ADAM32: variants seen among roughly 807,000 people sequenced by gnomAD.
The protein encoded by ADAM32 is disintegrin and metalloproteinase domain-containing protein 32.
In ADAM32, 89 loss-of-function variants were observed where a neutral mutation model predicts 114.9. The observed-to-expected ratio is 0.77, with a 90% CI of 0.65 to 0.92. ADAM32 has a LOEUF of 0.92. ADAM32 is among the 40% of genes least tolerant of loss of function. The pLI is 0.00. For synonymous variants in ADAM32, 285 were observed against 307.5 expected (o/e 0.93, Z 0.77); for missense variants, 870 against 932.8 (o/e 0.93, Z 0.88).
chr8:39,207,322 G>T (rs780586015), intron 11 of ADAM32, among the ~76,000 whole-genome samples: 1 of 151,990 alleles, frequency 6.6e-6, no homozygotes, highest in South Asian at 2.1e-4. Flanking sequence ...CCATTTTGAA[G>T]CCCCCTCCTA....
chr8:39,236,616 A>G (rs1219199307), intron 16 of ADAM32, among the ~76,000 whole-genome samples: 1 of 152,170 alleles, frequency 6.6e-6, no homozygotes. Context: ...TGCATAACCT[A>G]CATCAGCGTG....
In ADAM32 at chr8:39,108,601, A is replaced by G. The variant is rs138128741; in HGVS notation, c.58+768A>G. 1.2e-3 allele frequency among the ~76,000 whole-genome samples: 180 copies of G among 152,340 alleles called. 3 individuals are homozygous for G. In the East Asian group the frequency reaches 0.026, roughly 22 times the overall value. ...ACTGTGGAGAGGGAGGAAGTAAGAC[A>G]TGCCATGTACTGACTCTGGCTGACA... is the stretch of plus-strand genomic sequence containing the variant. On this transcript the variant is annotated intron_variant, in intron 1 of 24. Coordinates refer to ENST00000379907, the MANE Select transcript of ADAM32 (RefSeq NM_145004.7).
chr8:39,165,143 A>G lies in ADAM32; in HGVS notation c.780A>G (p.Glu260=), dbSNP rs776949221. The change falls in exon 9 of 25, where the codon GAA becomes GAG. Residue 260 remains glutamate (E), a synonymous_variant. Transcript: ENST00000379907. ...EADELLQKFL[E]WKQSYLNLRP... is the part of the protein sequence containing the mutation. ...ATGAATTATTGCAAAAATTTTTAGA[A>G]TGGAAACAATCTTATCTTAACCTAA... The G allele has an allele frequency of 1.2e-6, 2 of 1,601,858 alleles. No individual in the cohort carries two copies. The highest frequency in any genetic ancestry group is 1.7e-5 in the Admixed American group (1 of 59,272).
At chr8:39,262,287 C>G (rs1404988915) in intron 19 of ADAM32, among the ~76,000 whole-genome samples, 1 of 151,814 alleles carries the variant, frequency 6.6e-6, no homozygotes, top group Non-Finnish European at 1.5e-5. Flanking sequence ...TTCCCCAGGG[C>G]TATTTAATGA....
chr8:39,237,276 G>C (rs1450434969), intron 16 of ADAM32, among the ~76,000 whole-genome samples: 1 of 152,216 alleles, frequency 6.6e-6, no homozygotes, highest in East Asian at 1.9e-4. Flanking sequence ...AGGACAGCCA[G>C]TGGAATTGGG....
In ADAM32 at chr8:39,283,341, G is replaced by A. The variant is rs562049297; in HGVS notation, c.2319-245G>A. On this transcript the variant is annotated intron_variant, in intron 23 of 24. Coordinates refer to ENST00000379907, the MANE Select transcript of ADAM32 (RefSeq NM_145004.7). ...AGGAGGACATTTGAGCCCCCAGGAG[G>A]TTGAGGCTGTGGTGGGCCACAGTCA... Among the ~76,000 whole-genome samples the A allele has an allele frequency of 2.0e-5, 3 of 150,058 alleles. No individual in the cohort carries two copies. In the East Asian group the frequency reaches 5.9e-4, roughly 29 times the overall value.
intron 20 of ADAM32, among the ~76,000 whole-genome samples, chr8:39,272,076 G>A (rs1812766446): frequency 8.0e-6 from 1 of 124,312 alleles, no homozygotes; most frequent in Non-Finnish European, 1.6e-5. Flanking sequence ...AGACTGCAGT[G>A]AGCCATGATC....
At position 39,163,526 on chromosome 8, in the gene ADAM32, G is replaced by T. The variant is rs138335611; in HGVS notation, c.595-1238G>T. 6.7e-3 allele frequency among the ~76,000 whole-genome samples: 1,021 copies of T among 152,180 alleles called. 8 individuals are homozygous for T. Among genetic ancestry groups the T allele is most frequent in the Non-Finnish European group, 0.01 (695 of 67,992 alleles). ...CAGGGTGAAAACTTAGAAATTAGTG[G>T]CATCAAGAATAAAAATAAAGGAACA... On this transcript the variant is annotated intron_variant, in intron 7 of 24. Transcript: ENST00000379907.
rs1005023187 is a variant in ADAM32 at position 39,199,601 on chromosome 8, G to A, written c.1053-11543G>A. ...AAATTTCTCATTGAAATTATGAATT[G>A]TTTTCCTGATTTCTTTTTTTTTAAC... On this transcript the variant is annotated intron_variant, in intron 11 of 24. Coordinates refer to ENST00000379907, the MANE Select transcript of ADAM32 (RefSeq NM_145004.7). Among the ~76,000 whole-genome samples the A allele has an allele frequency of 6.0e-5, 9 of 150,944 alleles. 1 individual carries two copies. The East Asian group carries it at 1.8e-3, about 29-fold the overall frequency.
intron 19 of ADAM32, among the ~76,000 whole-genome samples, chr8:39,264,588 A>G (rs773920967): frequency 2.9e-4 from 44 of 151,942 alleles, no homozygotes; most frequent in Middle Eastern, 3.4e-3. Flanking sequence ...ATTTTCTTCT[A>G]GCTTTGGGGT....
intron 22 of ADAM32, among the ~76,000 whole-genome samples, chr8:39,277,608 A>G (rs7009007): frequency 0.5 from 76,151 of 151,940 alleles, 20,497 homozygotes; most frequent in African/African-American, 0.72. Context: ...GGGAGCTGCT[A>G]GAGTGCAGGA....
At chr8:39,194,930 C>A (rs1196431777) in intron 11 of ADAM32, among the ~76,000 whole-genome samples, 1 of 152,182 alleles carries the variant, frequency 6.6e-6, no homozygotes, top group African/African-American at 2.4e-5. Context: ...CTGTAAGCAG[C>A]TCTCCTGGCC....
At chr8:39,212,371 G>A (rs1187074769) in intron 12 of ADAM32, among the ~76,000 whole-genome samples, 1 of 151,922 alleles carries the variant, frequency 6.6e-6, no homozygotes, top group Non-Finnish European at 1.5e-5. Context: ...ACAATAAAAT[G>A]CACCCATTTT....
At chr8:39,234,609 ATAT>A (rs140332375) in intron 16 of ADAM32, among the ~76,000 whole-genome samples, 4,143 of 152,338 alleles carry the variant, frequency 0.027, 209 homozygotes, top group African/African-American at 0.094. Flanking sequence ...AAATGAGATA[ATAT>A]TATAAGTGCT....
In ADAM32 at chr8:39,223,174, G is replaced by A. The variant is rs779433212; in HGVS notation, c.1461G>A (p.Lys487=). 2.5e-6 allele frequency: 4 copies of A among 1,599,516 alleles called. No homozygotes were observed. Among genetic ancestry groups the A allele is most frequent in the South Asian group, 2.3e-5 (2 of 88,298 alleles). The change falls in exon 14 of 25, where the codon AAG becomes AAA. Residue 487 remains lysine (K), a synonymous_variant. Transcript: ENST00000379907. ...LINGLSCKNN[K]FICYDGDCHD... is the part of the protein sequence containing the mutation. ...ATGGACTTTCATGCAAAAATAATAA[G>A]TTTATTTGTTATGACGGAGACTGCC...
At chr8:39,250,306 T>C (rs963993793) in intron 17 of ADAM32, among the ~76,000 whole-genome samples, 12 of 152,036 alleles carry the variant, frequency 7.9e-5, no homozygotes, top group African/African-American at 2.4e-4. Context: ...GAAGTTTCTA[T>C]TGAGACACCC....
At chr8:39,194,127 A>G (rs1261610262) in intron 11 of ADAM32, among the ~76,000 whole-genome samples, 1 of 152,134 alleles carries the variant, frequency 6.6e-6, no homozygotes, top group Non-Finnish European at 1.5e-5. Context: ...GAAGCCCCCA[A>G]CAGCTACTGT....
At chr8:39,181,559 C>T (rs1345356756) in intron 10 of ADAM32, among the ~76,000 whole-genome samples, 1 of 152,204 alleles carries the variant, frequency 6.6e-6, no homozygotes, top group Non-Finnish European at 1.5e-5. Context: ...GATAATTGGG[C>T]TAGGTATAGA....
In ADAM32 at chr8:39,234,042, C is replaced by T. The variant is rs377483296; in HGVS notation, c.1778C>T (p.Pro593Leu). 3.3e-5 allele frequency: 50 copies of T among 1,497,436 alleles called. No individual in the cohort carries two copies. The highest frequency in any genetic ancestry group is 4.2e-5 in the African/African-American group (3 of 71,562). The allele number at this position is 1,497,436 out of a possible 1,614,324, so 92.8% of individuals were successfully genotyped here. ...AAATTGCCTCGAACAGTTCCAGATC[C>T]ACTGGCTGTCAAAAATGGCTCTCAG... ...DYKLPRTVPD[P>L]LAVKNGSQCD... is the part of the protein sequence containing the mutation. Residue 593 changes from proline to leucine, a missense_variant, in exon 16 of 25, where the codon CCA becomes CTA. Coordinates refer to ENST00000379907, the MANE Select transcript of ADAM32 (RefSeq NM_145004.7).
Sources: gnomAD v4.1 joint callset for allele counts (sites outside exome capture counted in the v4.1 genomes callset) on GRCh38, gnomAD v4.1.1 for gene constraint, MANE v1.5 for transcripts, NCBI Gene and HGNC (gene_info 2026-07-23, HGNC 2026-07-21) for gene names.